Variants in GDA observed in about 807,000 individuals in gnomAD.
GDA encodes the protein cytoplasmic PSD-95 interactor.
A neutral mutation model predicts 59.6 loss-of-function variants in GDA; 18 were observed. The observed-to-expected ratio is 0.30, with a 90% confidence interval of 0.21 to 0.45. The LOEUF is 0.45. Ranked by LOEUF, GDA falls within the 20% of genes least tolerant of loss-of-function variation. The pLI is 1.00. For missense variants in GDA, 427 were observed against 552.3 expected (o/e 0.77, Z 2.27); for synonymous variants, 201 against 201.1 (o/e 1.00, Z 0.00).
rs527621517 is a variant in GDA at position 72,243,723 on chromosome 9, G to A, written c.1136-1425G>A. On this transcript the variant is annotated intron_variant, in intron 11 of 13. Coordinates refer to ENST00000358399, the MANE Select transcript of GDA (RefSeq NM_004293.5). Reference sequence around the variant, plus strand: ...CCTTTAAAGAATCTTTTAAGAACAAGTAAGATTTCTGAGTCAGTGTTTAGA... The same window carrying A: ...CCTTTAAAGAATCTTTTAAGAACAAATAAGATTTCTGAGTCAGTGTTTAGA... Among the ~76,000 whole-genome samples, 8 of 152,276 alleles carry A rather than the reference G, an allele frequency of 5.3e-5. No homozygotes were observed. In the East Asian group the frequency reaches 9.6e-4, roughly 18 times the overall value.
rs780222816 is a variant in GDA at position 72,213,950 on chromosome 9, A to C, written c.537A>C (p.Glu179Asp). ...TGGATTTGAATGACACTTTTCCAGA[A>C]TACAAGGAGACCACTGAGGAATCGA... ...VCMDLNDTFP[E>D]YKETTEESIK... The change falls in exon 5 of 14, where the codon GAA becomes GAC. Residue 179 changes from glutamate to aspartate, a missense_variant. Transcript: ENST00000358399. The C allele has an allele frequency of 6.2e-7, 1 of 1,610,802 alleles. No homozygotes were observed. Among genetic ancestry groups the C allele is most frequent in the South Asian group, 1.1e-5 (1 of 91,002 alleles).
At chr9:72,214,788 C>A in intron 5 of GDA, 1 of 303,734 alleles carries the variant, frequency 3.3e-6, no homozygotes, top group Non-Finnish European at 6.3e-6. Flanking sequence ...GGCTGGAGTG[C>A]AATGGCGCGA....
At chr9:72,140,422 GC>G (rs1826399252) in intron 1 of GDA, among the ~76,000 whole-genome samples, 1 of 152,290 alleles carries the variant, frequency 6.6e-6, no homozygotes, top group Admixed American at 6.5e-5. Flanking sequence ...GAAGTTGGGT[GC>G]TGTAGACAGT....
At chr9:72,185,828 C>G (rs1053299251) in intron 1 of GDA, among the ~76,000 whole-genome samples, 1 of 152,052 alleles carries the variant, frequency 6.6e-6, no homozygotes, top group Non-Finnish European at 1.5e-5. Flanking sequence ...CTGCTTTTGG[C>G]TTTAGTATTC....
chr9:72,241,141 A>T lies in GDA; in HGVS notation c.989-11A>T, dbSNP rs1839567181. 6.3e-7 allele frequency: 1 copy of T among 1,582,520 alleles called. No homozygotes were observed. The stretch of plus-strand genomic sequence containing the variant: ...AAGGTTACTGTTTTGGTTTTATTTT[A>T]CCTACTGCAGACGTGGCTGGTGGCT... On this transcript the variant is annotated splice_polypyrimidine_tract_variant and intron_variant, in intron 10 of 13. Coordinates refer to ENST00000358399, the MANE Select transcript of GDA (RefSeq NM_004293.5).
At chr9:72,195,652 C>A in intron 2 of GDA, 64 bp downstream of exon 2, 1 of 597,800 alleles carries the variant, frequency 1.7e-6, no homozygotes, top group Non-Finnish European at 3.0e-6. Context: ...AGAAAACCTG[C>A]CTTGAGAGAC....
At chr9:72,221,090 C>G (rs1836791952) in intron 6 of GDA, among the ~76,000 whole-genome samples, 1 of 152,164 alleles carries the variant, frequency 6.6e-6, no homozygotes, top group African/African-American at 2.4e-5. Context: ...CTTATCCTCA[C>G]TACCCCTCTA....
At chr9:72,149,256 T>C, upstream of GDA, 2 of 391,652 alleles carry the variant, frequency 5.1e-6, no homozygotes, top group Non-Finnish European at 9.2e-6. Flanking sequence ...CAGCTGTGGT[T>C]GATCTTGATA....
intron 6 of GDA, among the ~76,000 whole-genome samples, chr9:72,221,452 G>C (rs1836857373): frequency 6.6e-6 from 1 of 152,164 alleles, no homozygotes; most frequent in African/African-American, 2.4e-5. Context: ...TCCACCGACT[G>C]TTAGAATGGA....
chr9:72,186,970 A>G (rs1314150373), intron 1 of GDA, among the ~76,000 whole-genome samples: 1 of 152,088 alleles, frequency 6.6e-6, no homozygotes, highest in Admixed American at 6.6e-5. Flanking sequence ...GCCTGTCTTA[A>G]CTCCTAAACC....
chr9:72,174,218 G>A (rs1343838962), intron 1 of GDA, among the ~76,000 whole-genome samples: 1 of 152,218 alleles, frequency 6.6e-6, no homozygotes, highest in Non-Finnish European at 1.5e-5. Flanking sequence ...GGCACTGAGA[G>A]TATGATAGTG....
chr9:72,155,771 G>A (rs1827816078), intron 1 of GDA, among the ~76,000 whole-genome samples: 1 of 152,176 alleles, frequency 6.6e-6, no homozygotes, highest in Admixed American at 6.5e-5. Flanking sequence ...ATGGAATGTG[G>A]TTTAGATGAG....
At chr9:72,124,404 C>A (rs1045577456) in intron 1 of GDA, among the ~76,000 whole-genome samples, 3 of 152,176 alleles carry the variant, frequency 2.0e-5, no homozygotes, top group African/African-American at 7.2e-5. Flanking sequence ...TGCCATTGAT[C>A]ATAATTTACA....
rs1395084681 is a variant in GDA, at chr9:72,227,887, T to G, written c.823-56T>G. 31 of 889,196 alleles carry G rather than the reference T, an allele frequency of 3.5e-5. No individual in the cohort carries two copies. The Middle Eastern group carries it at 8.6e-4, about 25-fold the overall frequency. The allele number at this position is 889,196 out of a possible 1,614,324, so 55.1% of individuals were successfully genotyped here. A position where few individuals can be genotyped will look rare whatever the true frequency, so the allele number is the denominator to read the frequency against. ...CTCTCTAAAATACCTTGTGAGTGAG[T>G]ACCCACTTAATCATTTGTGAGCGGT... On this transcript the variant is annotated intron_variant, in intron 8 of 13. Transcript: ENST00000358399.
At position 72,133,024 on chromosome 9, in the gene GDA, C is replaced by A. The variant is rs956819879; in HGVS notation, c.-100+18191C>A. On this transcript the variant is annotated intron_variant, in intron 1 of 13. Transcript: ENST00000545168. ...AATTTTAGTTGGCCAGGTGCAGTGG[C>A]TCACACCTATAATTCCAGCACTTTG... Among the ~76,000 whole-genome samples, 10 of 152,054 alleles carry A rather than the reference C, an allele frequency of 6.6e-5. 1 individual carries two copies. The highest frequency in any genetic ancestry group is 1.5e-5 in the Non-Finnish European group (1 of 68,014).
chr9:72,170,405 A>G (rs1829822672), intron 1 of GDA, among the ~76,000 whole-genome samples: 1 of 152,244 alleles, frequency 6.6e-6, no homozygotes, highest in Non-Finnish European at 1.5e-5. Context: ...GATCTTTCTT[A>G]GCACATAACT....
At chr9:72,259,040 T>C (rs1323227753), downstream of GDA, among the ~76,000 whole-genome samples, 1 of 151,804 alleles carries the variant, frequency 6.6e-6, no homozygotes, top group African/African-American at 2.4e-5. Context: ...TTTTTTTTTT[T>C]TTGAGACAGA....
At chr9:72,230,225 G>A (rs1838160686) in intron 9 of GDA, among the ~76,000 whole-genome samples, 3 of 152,084 alleles carry the variant, frequency 2.0e-5, no homozygotes, top group Non-Finnish European at 2.9e-5. Context: ...GGGCATGGTG[G>A]CTCATGCCTG....
chr9:72,230,756 C>T (rs910564382), intron 9 of GDA, among the ~76,000 whole-genome samples: 11 of 151,992 alleles, frequency 7.2e-5, no homozygotes, highest in African/African-American at 2.7e-4. Flanking sequence ...TTTCTGCTTC[C>T]TAACATAAAA....
Sources: allele counts gnomAD v4.1 joint callset (sites outside exome capture counted in the v4.1 genomes callset), GRCh38; gene constraint gnomAD v4.1.1; transcripts MANE v1.5; gene names NCBI Gene and HGNC (gene_info 2026-07-23, HGNC 2026-07-21).